NCAN: variants seen among roughly 807,000 people sequenced by gnomAD.
NCAN encodes neurocan core protein.
A neutral mutation model predicts 121.8 loss-of-function variants in NCAN; 47 were observed. That is an observed-to-expected ratio of 0.39 (90% confidence interval 0.31 to 0.49). The LOEUF is 0.49. Ranked by LOEUF, NCAN falls within the 20% of genes least tolerant of loss-of-function variation. The pLI is 0.92. For missense variants in NCAN, 1,517 were observed against 1,773.4 expected (o/e 0.86, Z 2.60); for synonymous variants, 633 against 702.0 (o/e 0.90, Z 1.55).
chr19:19,237,504 T>A (rs1008218094), intron 10 of NCAN, among the ~76,000 whole-genome samples: 5 of 150,800 alleles, frequency 3.3e-5, no homozygotes, highest in East Asian at 3.9e-4. Flanking sequence ...AAAAAAAATT[T>A]TATATATATA....
chr19:19,241,195 GCA>G (rs1399844919), intron 12 of NCAN, among the ~76,000 whole-genome samples: 3 of 151,954 alleles, frequency 2.0e-5, no homozygotes, highest in Non-Finnish European at 4.4e-5. Flanking sequence ...GGCGGAGGTT[GCA>G]GTGAGCCGAG....
chr19:19,217,381 GGTTTTAGAAATCCCTCACAGATTT>G (rs1382985218), intron 2 of NCAN, among the ~76,000 whole-genome samples: 2 of 152,164 alleles, frequency 1.3e-5, no homozygotes, highest in African/African-American at 4.8e-5. Context: ...CAAGAGCCCA[GGTTTTAGAAATCCCTCACAGATTT>G]GGTCTGTGAC....
At chr19:19,219,493 G>A (rs1247507363) in intron 3 of NCAN, among the ~76,000 whole-genome samples, 177 bp downstream of exon 3, 1 of 151,918 alleles carries the variant, frequency 6.6e-6, no homozygotes, top group Non-Finnish European at 1.5e-5. Context: ...ACAGGAGTTC[G>A]AGACCAGCCT....
At position 19,244,398 on chromosome 19, in the gene NCAN, C is replaced by G. The variant is rs1292116816; in HGVS notation, c.3493-915C>G. On this transcript the variant is annotated intron_variant, in intron 12 of 14. Coordinates refer to ENST00000252575, the MANE Select transcript of NCAN (RefSeq NM_004386.3). ...ACCCAGCTCACTGCAACCTCTGCCT[C>G]CCAGGCTCAAGGGATTCTCCTGCTT... Among the ~76,000 whole-genome samples, 61 of 150,454 alleles carry G rather than the reference C, an allele frequency of 4.1e-4. No individual in the cohort carries two copies. The Admixed American group carries it at 4.1e-3, about 10-fold the overall frequency.
rs887217095 is a variant in NCAN at position 19,245,337 on chromosome 19, C to G, written c.3517C>G (p.Gln1173Glu). The G allele has an allele frequency of 2.5e-6, 4 of 1,614,112 alleles. No homozygotes were observed. In the African/African-American group the frequency reaches 5.3e-5, roughly 22 times the overall value. Residue 1173 changes from glutamine to glutamate, a missense_variant, in exon 13 of 15, where the codon CAG (glutamine) becomes GAG (glutamate). Gln to Glu is a conservative substitution (Grantham distance 29, BLOSUM62 2). Transcript: ENST00000252575. ...GCAATTTGAGAACTGGCGAGAGAAC[C>G]AGCCGGACAATTTCTTCGCGGGTGG... ...GLQFENWREN[Q>E]PDNFFAGGED...
At position 19,248,750 on chromosome 19, in the gene NCAN, C is replaced by T. The variant is rs372252033; in HGVS notation, c.3688C>T (p.Arg1230Cys). ...AVENASLIGA[R>C]KAKYNVHATV... ...GGAGAATGCCTCACTCATCGGTGCC[C>T]GCAAGGCCAAGTACAATGTCCATGC... The change falls in exon 14 of 15, where the codon CGC (arginine) becomes TGC (cysteine). Residue 1230 changes from arginine to cysteine, a missense_variant. Coordinates refer to ENST00000252575, the MANE Select transcript of NCAN (RefSeq NM_004386.3). 1.2e-5 allele frequency: 20 copies of T among 1,614,046 alleles called. No individual in the cohort carries two copies. Among genetic ancestry groups the T allele is most frequent in the Admixed American group, 5.0e-5 (3 of 59,998 alleles).
At position 19,240,548 on chromosome 19, in the gene NCAN, C is replaced by T. The variant is rs2060899558; in HGVS notation, c.3410-55C>T. 8.2e-6 allele frequency: 13 copies of T among 1,575,848 alleles called. No homozygotes were observed. The South Asian group carries it at 1.4e-4, about 17-fold the overall frequency. On this transcript the variant is annotated intron_variant, in intron 11 of 14. Coordinates refer to ENST00000252575, the MANE Select transcript of NCAN (RefSeq NM_004386.3). ...CCCCACCTCACCTGCAGCCTGTGCC[C>T]TGGGCCAGGAGAGGCATGGGTGAAC...
intron 1 of NCAN, among the ~76,000 whole-genome samples, chr19:19,214,090 C>T (rs757511097): frequency 3.3e-5 from 5 of 152,284 alleles, no homozygotes; most frequent in East Asian, 1.9e-4. Context: ...CACAACACCC[C>T]GGACACACAC....
chr19:19,237,646 G>A (rs1054060287), intron 10 of NCAN, among the ~76,000 whole-genome samples: 2 of 152,120 alleles, frequency 1.3e-5, no homozygotes, highest in African/African-American at 4.8e-5. Flanking sequence ...ATGTCCATAC[G>A]AAGGGTGTGG....
chr19:19,236,568 G>T (rs2060881940), intron 10 of NCAN, among the ~76,000 whole-genome samples: 1 of 151,776 alleles, frequency 6.6e-6, no homozygotes, highest in Non-Finnish European at 1.5e-5. Context: ...GAGTGGAATT[G>T]CTGGGTCATA....
intron 10 of NCAN, 131 bp downstream of exon 10, chr19:19,235,227 C>A: frequency 7.2e-6 from 4 of 557,772 alleles, no homozygotes; most frequent in Non-Finnish European, 9.7e-6. Flanking sequence ...ATAAATTATT[C>A]TTTTAGACAA....
At position 19,240,678 on chromosome 19, in the gene NCAN, C is replaced by T; in HGVS notation, c.3485C>T (p.Thr1162Ile). The T allele has an allele frequency of 1.9e-6, 3 of 1,614,082 alleles. No homozygotes were observed. The highest frequency in any genetic ancestry group is 1.7e-6 in the Non-Finnish European group (2 of 1,180,032). Residue 1162 changes from threonine (T) to isoleucine (I), a missense_variant, in exon 12 of 15, where the codon ACC (threonine) becomes ATC (isoleucine). Transcript: ENST00000252575. ...AGAGATTTCCAGTGGACGGACAACA[C>T]CGGGCTGGTGAGTGGCAGGGGCTGC... Reference protein sequence around the residue: ...VERDFQWTDNTGLQFENWREN... With the variant: ...VERDFQWTDNIGLQFENWREN...
At position 19,247,735 on chromosome 19, in the gene NCAN, C is replaced by T. The variant is rs371928348; in HGVS notation, c.3638-965C>T. 2.0e-4 allele frequency among the ~76,000 whole-genome samples: 30 copies of T among 152,270 alleles called. No homozygotes were observed. The East Asian group carries it at 4.6e-3, about 23-fold the overall frequency. On this transcript the variant is annotated intron_variant, in intron 13 of 14. Coordinates refer to ENST00000252575, the MANE Select transcript of NCAN (RefSeq NM_004386.3). The stretch of plus-strand genomic sequence containing the variant: ...ATTATTGCCGTCTGTCTCCTTCATT[C>T]CCATTGTGCCCTATGTTTGGTGTAA...
At chr19:19,219,362 G>C in intron 3 of NCAN, 46 bp downstream of exon 3, 59 of 1,441,262 alleles carry the variant, frequency 4.1e-5, no homozygotes, top group Non-Finnish European at 4.9e-5. Context: ...GAGAGGGAGG[G>C]CTGAGCCTGG....
chr19:19,239,787 TC>T (rs2060896187), intron 11 of NCAN, among the ~76,000 whole-genome samples: 1 of 119,100 alleles, frequency 8.4e-6, no homozygotes, highest in South Asian at 3.2e-4. Flanking sequence ...TTGCTCTTCC[TC>T]CTCCCTTCCA....
chr19:19,225,200 C>T lies in NCAN; in HGVS notation c.1002C>T (p.Thr334=). 1 of 1,565,202 alleles carries T rather than the reference C, an allele frequency of 6.4e-7. No homozygotes were observed. Among genetic ancestry groups the T allele is most frequent in the African/African-American group, 1.4e-5 (1 of 71,402 alleles). The change falls in exon 6 of 15, where the codon ACC becomes ACT. Residue 334 remains threonine, a synonymous_variant. Transcript: ENST00000252575. The surrounding 1 kb of genome is among the most constrained non-coding windows in gnomAD (Gnocchi z 4.0). ...GGGGCCCAGCCCCGGGCGTGCGCAC[C>T]GTCTACCGCTTCGCTAACCGGACCG... ...RCGGPAPGVR[T]VYRFANRTGF...
chr19:19,244,543 A>G (rs1260820149), intron 12 of NCAN, among the ~76,000 whole-genome samples: 2 of 151,906 alleles, frequency 1.3e-5, no homozygotes, highest in Non-Finnish European at 2.9e-5. Context: ...TCCTGACCTC[A>G]AGTGATCTGA....
Position 19,243,894 on chromosome 19 carries a change from C to T in NCAN, c.3493-1419C>T, listed in dbSNP as rs534992120. Among the ~76,000 whole-genome samples, 4 of 151,492 alleles carry T rather than the reference C, an allele frequency of 2.6e-5. No homozygotes were observed. In the South Asian group the frequency reaches 6.3e-4, roughly 24 times the overall value. ...TACAAAAATTAGCTGGGCATGGTGG[C>T]GCATGCCTGTAATCCCAGCTACTCA... On this transcript the variant is annotated intron_variant, in intron 12 of 14. Transcript: ENST00000252575.
chr19:19,224,530 C>G, intron 5 of NCAN, 97 bp downstream of exon 5: 1 of 1,488,050 alleles, frequency 6.7e-7, no homozygotes, highest in Non-Finnish European at 9.1e-7. Flanking sequence ...ATGCAACTCC[C>G]CTGTCTTATA....
Sources: allele counts gnomAD v4.1 joint callset (sites outside exome capture counted in the v4.1 genomes callset), GRCh38; gene constraint gnomAD v4.1.1; non-coding constraint Gnocchi (gnomAD v3.1); transcripts MANE v1.5; gene names NCBI Gene and HGNC (gene_info 2026-07-23, HGNC 2026-07-21).